The following ARHGEF6 variants were observed in gnomAD, a reference collection of about 807,000 sequenced individuals.
ARHGEF6 encodes Rac/Cdc42 guanine nucleotide exchange factor 6.
ARHGEF6 carries 9 observed loss-of-function variants against 70.3 expected under a neutral mutation model. That is an observed-to-expected ratio of 0.13 (90% CI 0.08 to 0.22). The LOEUF (loss-of-function observed/expected upper bound fraction) is 0.22, where lower values mean the gene tolerates loss of function less well. ARHGEF6 is among the 10% of genes least tolerant of loss of function. ARHGEF6 has a pLI of 1.00. For missense variants in ARHGEF6, 470 were observed against 563.0 expected (o/e 0.83, Z 1.67); for synonymous variants, 201 against 207.8 (o/e 0.97, Z 0.28).
chrX:136,748,369 A>T (rs2077117464), intron 2 of ARHGEF6, among the ~76,000 whole-genome samples: 1 of 112,632 alleles, frequency 8.9e-6, no homozygotes, highest in African/African-American at 3.2e-5. Flanking sequence ...TCACTTTACC[A>T]GTCAACTGTC....
At chrX:136,680,689 A>G (rs372473906) in intron 15 of ARHGEF6, 42 bp downstream of exon 15, 2 of 1,205,152 alleles carry the variant, frequency 1.7e-6, no homozygotes, top group Non-Finnish European at 2.2e-6. Flanking sequence ...GGAGTTGACG[A>G]AAGACTCAAT....
intron 6 of ARHGEF6, among the ~76,000 whole-genome samples, chrX:136,729,844 C>A (rs2076917523): frequency 9.2e-6 from 1 of 109,256 alleles, no homozygotes; most frequent in Admixed American, 9.8e-5. Flanking sequence ...AAAAAAAAAT[C>A]TTTATGAAAA....
intron 9 of ARHGEF6, among the ~76,000 whole-genome samples, chrX:136,702,440 G>A (rs753091941): frequency 8.3e-4 from 93 of 112,139 alleles, no homozygotes; most frequent in Non-Finnish European, 1.5e-3. Flanking sequence ...CCAATTAAAA[G>A]AATGAGACTG....
At chrX:136,770,535 A>G (rs1246016505) in intron 2 of ARHGEF6, among the ~76,000 whole-genome samples, 1 of 112,189 alleles carries the variant, frequency 8.9e-6, no homozygotes, top group African/African-American at 3.2e-5. Context: ...CAGAAAAATT[A>G]GGGAAGAAAA....
chrX:136,735,464 C>A (rs759600568), intron 5 of ARHGEF6, among the ~76,000 whole-genome samples: 5 of 110,737 alleles, frequency 4.5e-5, no homozygotes, highest in Non-Finnish European at 7.6e-5. Context: ...CAAGTTCAGT[C>A]CCTGGGTGGT....
chrX:136,738,945 C>T (rs2077015330), intron 5 of ARHGEF6, among the ~76,000 whole-genome samples: 3 of 112,251 alleles, frequency 2.7e-5, no homozygotes, highest in Non-Finnish European at 3.8e-5. Flanking sequence ...TGGACCTTAG[C>T]AGTAGCCTCT....
chrX:136,728,554 T>C (rs1017658210), intron 6 of ARHGEF6, among the ~76,000 whole-genome samples: 4 of 106,745 alleles, frequency 3.7e-5, no homozygotes, highest in African/African-American at 1.4e-4. Flanking sequence ...TGATTAATTT[T>C]ATGTGTCGAC....
At chrX:136,720,068 A>C (rs1226949441) in intron 6 of ARHGEF6, among the ~76,000 whole-genome samples, 3 of 112,121 alleles carry the variant, frequency 2.7e-5, no homozygotes, top group Non-Finnish European at 5.6e-5. Flanking sequence ...CATTTAAGGA[A>C]GAAATTATAT....
At chrX:136,699,274 A>G (rs2076541608) in intron 9 of ARHGEF6, among the ~76,000 whole-genome samples, 1 of 111,168 alleles carries the variant, frequency 9.0e-6, no homozygotes, top group Non-Finnish European at 1.9e-5. Flanking sequence ...ATATATAACT[A>G]GAATTAAGTT....
intron 5 of ARHGEF6, among the ~76,000 whole-genome samples, chrX:136,741,243 C>T (rs1423722860): frequency 9.0e-6 from 1 of 111,415 alleles, no homozygotes; most frequent in African/African-American, 3.3e-5. Flanking sequence ...ACAGCTGACC[C>T]TTGAACAACA....
intron 11 of ARHGEF6, 148 bp from the exon 12 acceptor site, chrX:136,685,971 A>G: frequency 1.6e-6 from 1 of 607,573 alleles, no homozygotes; most frequent in African/African-American, 2.2e-5. Context: ...CCTGTTCTTG[A>G]TAGACAGAAA....
intron 6 of ARHGEF6, among the ~76,000 whole-genome samples, chrX:136,724,280 A>G (rs1370906885): frequency 1.8e-5 from 2 of 108,381 alleles, no homozygotes; most frequent in Non-Finnish European, 3.8e-5. Flanking sequence ...GGGTTTCACC[A>G]TATTGGCCAG....
intron 12 of ARHGEF6, among the ~76,000 whole-genome samples, chrX:136,684,559 C>T (rs5929769): frequency 3.6e-5 from 4 of 110,371 alleles, no homozygotes; most frequent in Non-Finnish European, 7.6e-5. Context: ...CAGCTCCCCC[C>T]ACCCCCCGGG....
chrX:136,766,872 C>T (rs998760576), intron 2 of ARHGEF6, among the ~76,000 whole-genome samples: 2 of 112,506 alleles, frequency 1.8e-5, no homozygotes, highest in Non-Finnish European at 3.8e-5. Flanking sequence ...AGAATCCAGT[C>T]GGATGCAAAC....
intron 15 of ARHGEF6, among the ~76,000 whole-genome samples, chrX:136,680,116 C>T (rs772222360): frequency 2.7e-5 from 3 of 112,436 alleles, no homozygotes; most frequent in Non-Finnish European, 5.6e-5. Context: ...AGTCCATATT[C>T]TTCCAACCAC....
intron 12 of ARHGEF6, among the ~76,000 whole-genome samples, chrX:136,685,087 T>C (rs773030175): frequency 1.8e-5 from 2 of 111,696 alleles, no homozygotes; most frequent in Non-Finnish European, 3.8e-5. Flanking sequence ...TTGCTTCTTT[T>C]GCTCCCTACA....
At chrX:136,736,620 T>G (rs1226827642) in intron 5 of ARHGEF6, among the ~76,000 whole-genome samples, 1 of 99,638 alleles carries the variant, frequency 1.0e-5, no homozygotes, top group Admixed American at 1.1e-4. Flanking sequence ...TAAAAAGAGG[T>G]GTGTGTGTGT....
chrX:136,777,761 T>C (rs28689538), intron 2 of ARHGEF6, among the ~76,000 whole-genome samples: 10 of 98,508 alleles, frequency 1.0e-4, no homozygotes, highest in Non-Finnish European at 1.4e-4. Flanking sequence ...TATGTATACA[T>C]ACACACACAC....
intron 9 of ARHGEF6, among the ~76,000 whole-genome samples, chrX:136,692,223 G>T (rs1248942859): frequency 9.0e-6 from 1 of 111,570 alleles, no homozygotes; most frequent in Non-Finnish European, 1.9e-5. Flanking sequence ...CATATGAGAG[G>T]TCATATCTAG....
Sources: gnomAD v4.1 joint callset for allele counts (sites outside exome capture counted in the v4.1 genomes callset) on GRCh38, gnomAD v4.1.1 for gene constraint, MANE v1.5 for transcripts, NCBI Gene and HGNC (gene_info 2026-07-23, HGNC 2026-07-21) for gene names.